Variants in MGST2 observed in about 807,000 individuals in gnomAD.
MGST2 encodes glutathione peroxidase MGST2.
A neutral mutation model predicts 16.6 loss-of-function variants in MGST2; 9 were observed. The ratio of observed to expected loss-of-function variants is 0.54; its 90% CI spans 0.33 to 0.95. The LOEUF (loss-of-function observed/expected upper bound fraction) is 0.95, where lower values mean the gene tolerates loss of function less well. Among genes scored for constraint, MGST2 ranks in the 40% least tolerant of loss-of-function variants. The pLI is 0.03. For synonymous variants in MGST2, 79 were observed against 68.0 expected (o/e 1.16, Z -0.79); for missense variants, 159 against 175.1 (o/e 0.91, Z 0.52).
chr4:139,674,370 T>C lies in MGST2; in HGVS notation c.59-4173T>C, dbSNP rs370367275. 2.6e-5 allele frequency among the ~76,000 whole-genome samples: 4 copies of C among 152,324 alleles called. No individual in the cohort carries two copies. The East Asian group carries it at 5.8e-4, about 22-fold the overall frequency. On this transcript the variant is annotated intron_variant, in intron 1 of 4. Transcript: ENST00000265498. ...CTGAATCAAAGGAAGCAATCAGATA[T>C]GTATTTGTCTCAAGTGAGCAGAGGA...
chr4:139,738,568 G>C (rs1363684751), intron 5 of MGST2, among the ~76,000 whole-genome samples: 1 of 152,062 alleles, frequency 6.6e-6, no homozygotes, highest in East Asian at 1.9e-4. Flanking sequence ...AAAGGTCTTG[G>C]TCCCCATTAT....
In MGST2 at chr4:139,677,658, C is replaced by G. The variant is rs192076131; in HGVS notation, c.59-885C>G. 9.2e-5 allele frequency among the ~76,000 whole-genome samples: 14 copies of G among 152,152 alleles called. No individual in the cohort carries two copies. In the South Asian group the frequency reaches 2.7e-3, roughly 29 times the overall value. On this transcript the variant is annotated intron_variant, in intron 1 of 4. Transcript: ENST00000265498. ...CTGGGATTACAGGCATGCACCACCA[C>G]GTCCAGCAAATTTTTTGTATTTTTA... is the stretch of plus-strand genomic sequence containing the variant.
At chr4:139,718,251 C>T (rs1258562407) in intron 5 of MGST2, 5 of 152,222 alleles carry the variant, frequency 3.3e-5, no homozygotes, top group Admixed American at 3.3e-4. Flanking sequence ...CAACGCTACA[C>T]GTTAGAGAAA....
At chr4:139,670,994 A>C (rs1235398688) in intron 1 of MGST2, among the ~76,000 whole-genome samples, 1 of 152,168 alleles carries the variant, frequency 6.6e-6, no homozygotes, top group East Asian at 1.9e-4. Context: ...ATTTAAAAGA[A>C]CTGGCCTAAT....
intron 5 of MGST2, among the ~76,000 whole-genome samples, chr4:139,733,617 C>T (rs1286229168): frequency 6.6e-6 from 1 of 150,828 alleles, no homozygotes; most frequent in Non-Finnish European, 1.5e-5. Flanking sequence ...CCAAATAATT[C>T]CCTCCCAGAG....
chr4:139,675,792 A>G (rs2110810145), intron 1 of MGST2, among the ~76,000 whole-genome samples: 1 of 152,350 alleles, frequency 6.6e-6, no homozygotes, highest in East Asian at 1.9e-4. Context: ...GGTCCATATT[A>G]GCCACATATG....
intron 5 of MGST2, chr4:139,725,656 A>G: frequency 2.5e-6 from 3 of 1,209,458 alleles, no homozygotes; most frequent in Non-Finnish European, 3.6e-6. Context: ...TTTCCTGGAC[A>G]CAAATACAGC....
chr4:139,746,603 C>T, the MGST2 span, among the ~76,000 whole-genome samples: 50 of 152,274 alleles, frequency 3.3e-4, no homozygotes, highest in African/African-American at 1.1e-3. Context: ...CTGTCTCTCT[C>T]GCTCTGCGGG....
chr4:139,683,662 C>T (rs1731385671), intron 2 of MGST2, among the ~76,000 whole-genome samples: 1 of 152,048 alleles, frequency 6.6e-6, no homozygotes, highest in Non-Finnish European at 1.5e-5. Context: ...AGATGATTTA[C>T]AGCCATGAGA....
At chr4:139,738,073 C>T (rs1729014354) in intron 5 of MGST2, among the ~76,000 whole-genome samples, 1 of 147,796 alleles carries the variant, frequency 6.8e-6, no homozygotes. Context: ...GGGAACCCCA[C>T]AGGCCTGGGT....
intron 3 of MGST2, among the ~76,000 whole-genome samples, chr4:139,699,419 C>T (rs966802816): frequency 2.0e-5 from 3 of 152,082 alleles, no homozygotes; most frequent in Admixed American, 6.6e-5. Flanking sequence ...TAAAAATTTG[C>T]GTATATTTTA....
downstream of MGST2, among the ~76,000 whole-genome samples, chr4:139,745,619 C>T (rs1460831991): frequency 6.6e-6 from 1 of 152,218 alleles, no homozygotes; most frequent in Admixed American, 6.5e-5. Flanking sequence ...TTTCTCTTCT[C>T]TATTATTGTG....
downstream of MGST2, among the ~76,000 whole-genome samples, chr4:139,708,161 G>T (rs2110919549): frequency 6.6e-6 from 1 of 152,334 alleles, no homozygotes; most frequent in Middle Eastern, 3.4e-3. Context: ...GAATGATATT[G>T]CCTAGGTTTT....
chr4:139,753,202 T>G, the MGST2 span, among the ~76,000 whole-genome samples: 1 of 152,236 alleles, frequency 6.6e-6, no homozygotes, highest in South Asian at 2.1e-4. Context: ...TCCTTTTAAG[T>G]GTACAATTCA....
intron 2 of MGST2, among the ~76,000 whole-genome samples, chr4:139,685,651 A>G (rs570146887): frequency 6.6e-6 from 1 of 152,148 alleles, no homozygotes; most frequent in Non-Finnish European, 1.5e-5. Context: ...TAAAATACTT[A>G]AAGAGATTTA....
At chr4:139,683,862 C>CA (rs893968456) in intron 2 of MGST2, among the ~76,000 whole-genome samples, 5 of 148,462 alleles carry the variant, frequency 3.4e-5, no homozygotes, top group Non-Finnish European at 7.4e-5. Context: ...TGGCAGCAGG[C>CA]AAAAAATGAG....
At chr4:139,666,619 C>G (rs1322211770) in intron 1 of MGST2, among the ~76,000 whole-genome samples, 1 of 152,130 alleles carries the variant, frequency 6.6e-6, no homozygotes, top group Non-Finnish European at 1.5e-5. Flanking sequence ...AATTTTAAAA[C>G]AGCTTCCCAC....
chr4:139,709,921 C>T (rs555334263), intron 5 of MGST2, among the ~76,000 whole-genome samples: 13 of 152,272 alleles, frequency 8.5e-5, no homozygotes, highest in Non-Finnish European at 1.5e-4. Flanking sequence ...CCAGCTACTC[C>T]AGAGGACACT....
chr4:139,678,785 G>A (rs369005541), intron 2 of MGST2, 143 bp downstream of exon 2: 9 of 724,546 alleles, frequency 1.2e-5, no homozygotes, highest in African/African-American at 3.5e-5. Context: ...AGCCAAGACC[G>A]TTCTCAGAAT....
Sources: gnomAD v4.1 joint callset for allele counts (sites outside exome capture counted in the v4.1 genomes callset) on GRCh38, gnomAD v4.1.1 for gene constraint, MANE v1.5 for transcripts, NCBI Gene and HGNC (gene_info 2026-07-23, HGNC 2026-07-21) for gene names.